Variants in CTC1 observed in about 807,000 individuals in gnomAD.
CTC1 encodes CST complex subunit CTC1.
Under a neutral mutation model 136.3 loss-of-function variants are expected in CTC1, and 91 were observed. The ratio of observed to expected loss-of-function variants is 0.67; its 90% CI spans 0.56 to 0.79. The LOEUF (loss-of-function observed/expected upper bound fraction) is 0.79. Among genes scored for constraint, CTC1 ranks in the 30% least tolerant of loss-of-function variants. CTC1 has a pLI of 0.00. For missense variants in CTC1, 1,432 were observed against 1,498.1 expected (o/e 0.96, Z 0.73); for synonymous variants, 606 against 613.8 (o/e 0.99, Z 0.19).
At chr17:8,232,569 G>C (rs1228808267) in intron 11 of CTC1, 94 bp from the exon 12 acceptor site, 2 of 981,498 alleles carry the variant, frequency 2.0e-6, no homozygotes, top group Non-Finnish European at 3.1e-6. Context: ...ACCCATCCCA[G>C]GCCAGAGCTG....
intron 22 of CTC1, 59 bp downstream of exon 22, chr17:8,228,444 C>T: frequency 6.2e-7 from 1 of 1,612,938 alleles, no homozygotes; most frequent in Non-Finnish European, 8.5e-7. Context: ...CCCAGGGACC[C>T]ATCTATCTCT....
intron 1 of CTC1, chr17:8,247,786 G>C: frequency 5.1e-6 from 3 of 587,714 alleles, no homozygotes; most frequent in South Asian, 2.0e-5. Context: ...GAGAGTGAAC[G>C]GAGACCAGTT....
At chr17:8,242,873 G>A in intron 2 of CTC1, 112 bp downstream of exon 2, 1 of 941,122 alleles carries the variant, frequency 1.1e-6, no homozygotes, top group Admixed American at 2.9e-5. Flanking sequence ...AGACTACCTT[G>A]TCCTCCGCTC....
rs752323899 is a variant in CTC1 at position 8,231,518 on chromosome 17, T to C, written c.2476-49A>G. 3.3e-6 allele frequency: 5 copies of C among 1,523,392 alleles called. No individual in the cohort carries two copies. The African/African-American group carries it at 4.1e-5, about 13-fold the overall frequency. The allele number at this position is 1,523,392 out of a possible 1,614,324, so 94.4% of individuals were successfully genotyped here. A position where few individuals can be genotyped will look rare whatever the true frequency, so the allele number is the denominator to read the frequency against. On this transcript the variant is annotated intron_variant, in intron 14 of 22. Coordinates refer to ENST00000651323, the MANE Select transcript of CTC1 (RefSeq NM_025099.6). ...TGCCTGTGAGTGTGTGCTAGTCCAG[T>C]GGGAGGTTCACAAAACATTCTGACC...
In CTC1 at chr17:8,227,259, T is replaced by C. The variant is rs1986805892; in HGVS notation, c.*921A>G. On this transcript the variant is annotated 3_prime_UTR_variant, in exon 23 of 23. Transcript: ENST00000651323. Reference sequence around the variant, plus strand: ...GCTCATCTTTCCACCTCTCCATCTATCAGTCCCCAGTAAAGAAATGCAGCA... The same window carrying C: ...GCTCATCTTTCCACCTCTCCATCTACCAGTCCCCAGTAAAGAAATGCAGCA... The C allele has an allele frequency of 6.6e-6, 1 of 150,908 alleles. No homozygotes were observed. The allele number at this position is 150,908 out of a possible 1,614,324, so 9.3% of individuals were successfully genotyped here.
chr17:8,237,686 A>AAAAAAAAAT (rs1987858815), intron 4 of CTC1, among the ~76,000 whole-genome samples, 167 bp from the exon 5 acceptor site: 1 of 147,770 alleles, frequency 6.8e-6, no homozygotes, highest in Non-Finnish European at 1.5e-5. Flanking sequence ...AAAAAAAAAA[A>AAAAAAAAAT]AAAAAAAAAA....
Position 8,236,336 on chromosome 17 carries a change from C to CAGGG in CTC1, c.795_798dup (p.Ala267ProfsTer65). On this transcript the variant is annotated frameshift_variant, in exon 6 of 23. Transcript: ENST00000651323. LOFTEE classifies it high-confidence loss of function. ...AGGGCTCTGTGCCACACCAGCTGGG[C>CAGGG]AGGGACCTGGCTTGTGCAGAGACAG... 1 of 1,605,590 alleles carries CAGGG rather than the reference C, an allele frequency of 6.2e-7. No homozygotes were observed. Among genetic ancestry groups the CAGGG allele is most frequent in the Non-Finnish European group, 8.5e-7 (1 of 1,179,492 alleles).
chr17:8,241,053 C>T (rs1239796677), intron 2 of CTC1, among the ~76,000 whole-genome samples: 1 of 152,078 alleles, frequency 6.6e-6, no homozygotes, highest in East Asian at 1.9e-4. Context: ...CTCTGGGAGG[C>T]TGAGGTGGGC....
Position 8,248,014 on chromosome 17 carries a change from A to C in CTC1, c.23T>G (p.Val8Gly), listed in dbSNP as rs1329465429. MAAGRAQ[V>G]PSSEQAWLED... is the part of the protein sequence containing the mutation. ...AATAGCAGCACTCACGGAGGAAGGG[A>C]CCTGGGCCCGGCCAGCCGCCATGAT... is the stretch of plus-strand genomic sequence containing the variant. Residue 8 changes from valine to glycine, a missense_variant, in exon 1 of 23, where the codon GTC (valine) becomes GGC (glycine). Coordinates refer to ENST00000651323, the MANE Select transcript of CTC1 (RefSeq NM_025099.6). 3.3e-6 allele frequency: 5 copies of C among 1,519,870 alleles called. No individual in the cohort carries two copies. The highest frequency in any genetic ancestry group is 3.6e-5 in the Admixed American group (2 of 55,224). The allele number at this position is 1,519,870 out of a possible 1,614,324, so 94.1% of individuals were successfully genotyped here. A position where few individuals can be genotyped will look rare whatever the true frequency, so the allele number is the denominator to read the frequency against.
rs763293024 is a variant in CTC1 at position 8,238,537 on chromosome 17, T to C, written c.290A>G (p.Gln97Arg). ...GGGGTTCCCATTTGGTCCAGCCTCT[T>C]GGGCCCAGGCCTGGTATGCACTACT... ...WSSSAYQAWAQEAGPNGNPLP... is the reference protein window; with the variant it reads ...WSSSAYQAWAREAGPNGNPLP... Residue 97 changes from glutamine to arginine, a missense_variant, in exon 3 of 23, where the codon CAA becomes CGA. Gln to Arg is a conservative substitution (Grantham distance 43). Coordinates refer to ENST00000651323, the MANE Select transcript of CTC1 (RefSeq NM_025099.6). 6.8e-6 allele frequency: 11 copies of C among 1,614,072 alleles called. No homozygotes were observed. In the South Asian group the frequency reaches 8.8e-5, roughly 13 times the overall value.
Position 8,228,242 on chromosome 17 carries a change from A to G in CTC1, c.3592T>C (p.Cys1198Arg). 3.7e-6 allele frequency: 6 copies of G among 1,614,154 alleles called. No individual in the cohort carries two copies. The highest frequency in any genetic ancestry group is 5.1e-6 in the Non-Finnish European group (6 of 1,179,996). ...TACTCTGACTCTCGGATAGAAAGGCAGGACAATCGGAGCCTGGGGTTCACG... is the reference window on the plus strand; with the variant it reads ...TACTCTGACTCTCGGATAGAAAGGCGGGACAATCGGAGCCTGGGGTTCACG... ...THVNPRLRLS[C>R]LSIRESEYSS... is the part of the protein sequence containing the mutation. The change falls in exon 23 of 23, where the codon TGC becomes CGC. Residue 1198 changes from cysteine (C) to arginine (R), a missense_variant. Physicochemically the swap from Cys to Arg is radical, Grantham distance 180. Coordinates refer to ENST00000651323, the MANE Select transcript of CTC1 (RefSeq NM_025099.6).
chr17:8,228,021 G>T lies in CTC1; in HGVS notation c.*159C>A. The stretch of plus-strand genomic sequence containing the variant: ...TGTTGCCACAATTTTGCCAAGGCAG[G>T]CTGGCACCAGAACACCAAAGAAGGG... On this transcript the variant is annotated 3_prime_UTR_variant, in exon 23 of 23. Transcript: ENST00000651323. The T allele has an allele frequency of 1.4e-6, 1 of 725,056 alleles. No individual in the cohort carries two copies. The highest frequency in any genetic ancestry group is 2.2e-6 in the Non-Finnish European group (1 of 451,202). 44.9% of individuals were successfully genotyped at this position (725,056 alleles called of 1,614,324 possible). A position where few individuals can be genotyped will look rare whatever the true frequency, so the allele number is the denominator to read the frequency against.
rs763985884 is a variant in CTC1, at chr17:8,238,509, C to T, written c.318G>A (p.Leu106=). 3 of 1,614,186 alleles carry T rather than the reference C, an allele frequency of 1.9e-6. No homozygotes were observed. Among genetic ancestry groups the T allele is most frequent in the Non-Finnish European group, 2.5e-6 (3 of 1,180,032 alleles). The change falls in exon 3 of 23, where the codon CTG becomes CTA. Residue 106 remains leucine (L), a synonymous_variant. Coordinates refer to ENST00000651323, the MANE Select transcript of CTC1 (RefSeq NM_025099.6). ...AQEAGPNGNP[L]PREQLLLLGT... ...CTAAAAGTAACAGCTGCTCTCGGGG[C>T]AGGGGGTTCCCATTTGGTCCAGCCT... is the stretch of plus-strand genomic sequence containing the variant.
rs1302748336 is a variant in CTC1, at chr17:8,234,769, G to A, written c.1597C>T (p.His533Tyr). The A allele has an allele frequency of 2.5e-6, 4 of 1,599,934 alleles. No homozygotes were observed. The highest frequency in any genetic ancestry group is 3.4e-5 in the Admixed American group (2 of 58,538). Reference protein sequence around the residue: ...NAHNEILEEPHHCPLQKYTRL... With the variant: ...NAHNEILEEPYHCPLQKYTRL... ...CATACTTTCTGGAGGGGACAGTGAT[G>A]TGGCTCTTCAAGGATCTCATTGTGT... Residue 533 changes from histidine (H) to tyrosine (Y), a missense_variant, in exon 9 of 23, where the codon CAT becomes TAT. Physicochemically the swap from His to Tyr is moderately conservative, Grantham distance 83 (BLOSUM62 2). Coordinates refer to ENST00000651323, the MANE Select transcript of CTC1 (RefSeq NM_025099.6).
At position 8,234,659 on chromosome 17, in the gene CTC1, T is replaced by C; in HGVS notation, c.1618-4A>G. On this transcript the variant is annotated splice_polypyrimidine_tract_variant and splice_region_variant and intron_variant, in intron 9 of 22. Coordinates refer to ENST00000651323, the MANE Select transcript of CTC1 (RefSeq NM_025099.6). The stretch of plus-strand genomic sequence containing the variant: ...AGGGAGTCTGCAGCCGAGTGTACTG[T>C]CAAGGAGGGAAGAGAAATCGGGTGT... 1 of 1,604,036 alleles carries C rather than the reference T, an allele frequency of 6.2e-7. No homozygotes were observed. Among genetic ancestry groups the C allele is most frequent in the Non-Finnish European group, 8.5e-7 (1 of 1,173,776 alleles).
At chr17:8,228,340 A>G (rs1986891938) in intron 22 of CTC1, 21 bp from the exon 23 acceptor site, 1 of 1,612,588 alleles carries the variant, frequency 6.2e-7, no homozygotes, top group East Asian at 2.2e-5. Flanking sequence ...AAGAGAGGAA[A>G]AACACACGTC....
In CTC1 at chr17:8,248,001, C is replaced by G. The variant is rs1365352769; in HGVS notation, c.33+3G>C. The stretch of plus-strand genomic sequence containing the variant: ...GAACAAGAGACGTAATAGCAGCACT[C>G]ACGGAGGAAGGGACCTGGGCCCGGC... On this transcript the variant is annotated splice_donor_region_variant and intron_variant, in intron 1 of 22. Transcript: ENST00000651323. 6.2e-7 allele frequency: 1 copy of G among 1,610,066 alleles called. No individual in the cohort carries two copies. The highest frequency in any genetic ancestry group is 1.3e-5 in the African/African-American group (1 of 74,692).
At chr17:8,228,363 C>T in intron 22 of CTC1, 44 bp from the exon 23 acceptor site, 2 of 1,609,208 alleles carry the variant, frequency 1.2e-6, no homozygotes, top group South Asian at 2.2e-5. Flanking sequence ...AGGCATGTGG[C>T]TTTTAGTTCC....
At position 8,229,412 on chromosome 17, in the gene CTC1, G is replaced by A. The variant is rs750370637; in HGVS notation, c.3046C>T (p.Leu1016=). The part of the protein sequence containing the change: ...PLPHIYLAEL[L]QGGQSPFQAT... ...TGGAATGGGGACTGACCACCCTGCA[G>A]AAGTTCAGCCAGGTAGATGTGGGGC... The change falls in exon 19 of 23, where the codon CTG becomes TTG. Residue 1016 remains leucine, a synonymous_variant. Transcript: ENST00000651323. 1 of 1,613,946 alleles carries A rather than the reference G, an allele frequency of 6.2e-7. No individual in the cohort carries two copies. Among genetic ancestry groups the A allele is most frequent in the Non-Finnish European group, 8.5e-7 (1 of 1,179,800 alleles).
Sources: gnomAD v4.1 joint callset for allele counts (sites outside exome capture counted in the v4.1 genomes callset) on GRCh38, gnomAD v4.1.1 for gene constraint, MANE v1.5 for transcripts, NCBI Gene and HGNC (gene_info 2026-07-23, HGNC 2026-07-21) for gene names.